STK32A: variants seen among roughly 807,000 people sequenced by gnomAD.
STK32A encodes serine/threonine-protein kinase 32A.
Under a neutral mutation model 53.2 loss-of-function variants are expected in STK32A, and 41 were observed. The observed-to-expected ratio is 0.77, with a 90% CI of 0.60 to 1.00. The LOEUF (loss-of-function observed/expected upper bound fraction) is 1.00, where lower values mean the gene tolerates loss of function less well. Among genes scored for constraint, STK32A ranks in the 50% least tolerant of loss-of-function variants. The pLI is 0.00. For missense variants in STK32A, 458 were observed against 485.8 expected, an observed-to-expected ratio of 0.94 and a Z score of 0.54; for synonymous variants, 166 against 162.8, an observed-to-expected ratio of 1.02 and a Z score of -0.15.
chr5:147,388,630 G>C (rs938770104), downstream of STK32A, among the ~76,000 whole-genome samples: 1 of 152,100 alleles, frequency 6.6e-6, no homozygotes, highest in Non-Finnish European at 1.5e-5. Flanking sequence ...TCCTGCTCAT[G>C]GTCGGGGTCT....
At chr5:147,336,066 A>C (rs1353652178) in intron 5 of STK32A, among the ~76,000 whole-genome samples, 2 of 152,170 alleles carry the variant, frequency 1.3e-5, no homozygotes, top group Non-Finnish European at 2.9e-5. Flanking sequence ...GTTGGATAGG[A>C]CCATTTGTGT....
At chr5:147,310,063 C>T (rs1177961083) in intron 4 of STK32A, among the ~76,000 whole-genome samples, 3 of 152,126 alleles carry the variant, frequency 2.0e-5, no homozygotes, top group Non-Finnish European at 4.4e-5. Flanking sequence ...ACCACTGATA[C>T]TTTAATATTC....
intron 4 of STK32A, among the ~76,000 whole-genome samples, chr5:147,280,651 G>A (rs1194946374): frequency 2.0e-5 from 3 of 151,142 alleles, no homozygotes; most frequent in Admixed American, 6.6e-5. Flanking sequence ...ACCCAAAGGA[G>A]TCTGAGCTCA....
intron 6 of STK32A, chr5:147,348,742 C>T (rs781025198): frequency 7.8e-6 from 6 of 769,996 alleles, no homozygotes; most frequent in African/African-American, 1.7e-5. Flanking sequence ...TTCAGGAGAC[C>T]GAAGCCCAGG....
intron 2 of STK32A, among the ~76,000 whole-genome samples, chr5:147,241,667 G>A (rs1047326695): frequency 1.3e-5 from 2 of 152,072 alleles, no homozygotes; most frequent in Non-Finnish European, 2.9e-5. Flanking sequence ...TGGCTATTGT[G>A]ATTGCCTTGC....
At chr5:147,324,262 C>T (rs539217263) in intron 5 of STK32A, among the ~76,000 whole-genome samples, 191 bp downstream of exon 5, 3 of 152,126 alleles carry the variant, frequency 2.0e-5, no homozygotes, top group Non-Finnish European at 4.4e-5. Context: ...GCTTAATTTG[C>T]CAAAGGTCAC....
At chr5:147,348,420 C>T (rs1755792404) in intron 6 of STK32A, among the ~76,000 whole-genome samples, 1 of 152,156 alleles carries the variant, frequency 6.6e-6, no homozygotes. Flanking sequence ...GCGCCCAACC[C>T]ACAGAGTTTC....
In STK32A at chr5:147,239,699, G is replaced by A. The variant is rs1288920609; in HGVS notation, c.52+13G>A. 6.3e-7 allele frequency: 1 copy of A among 1,593,042 alleles called. No homozygotes were observed. ...GAAAATGAAGATGGTAAGAAATATG[G>A]GATAGTGGCATATAAAAAATAGAAT... On this transcript the variant is annotated intron_variant, in intron 2 of 12. Transcript: ENST00000397936.
chr5:147,342,219 C>T (rs1755452209), intron 5 of STK32A, among the ~76,000 whole-genome samples: 1 of 152,160 alleles, frequency 6.6e-6, no homozygotes, highest in African/African-American at 2.4e-5. Context: ...TAATCTTTGA[C>T]AGACCAAGTC....
intron 2 of STK32A, among the ~76,000 whole-genome samples, chr5:147,272,938 C>CT (rs1755105245): frequency 6.6e-6 from 1 of 152,156 alleles, no homozygotes; most frequent in Non-Finnish European, 1.5e-5. Context: ...GTGCTGTTCT[C>CT]AATAGACTCA....
chr5:147,238,090 A>G (rs1753403629), intron 1 of STK32A, among the ~76,000 whole-genome samples: 1 of 152,252 alleles, frequency 6.6e-6, no homozygotes, highest in Non-Finnish European at 1.5e-5. Context: ...ATATGTATCC[A>G]TGACCATATA....
intron 5 of STK32A, among the ~76,000 whole-genome samples, chr5:147,327,126 A>G (rs1754635940): frequency 6.6e-6 from 1 of 152,226 alleles, no homozygotes; most frequent in South Asian, 2.1e-4. Context: ...TAAAAAGTGT[A>G]CATGGTAAAA....
At chr5:147,311,803 G>A (rs1753711536) in intron 4 of STK32A, among the ~76,000 whole-genome samples, 2 of 152,098 alleles carry the variant, frequency 1.3e-5, no homozygotes, top group African/African-American at 4.8e-5. Flanking sequence ...TGCCCAGGCT[G>A]GCCTTGAACT....
chr5:147,273,589 A>G (rs1308588742), intron 2 of STK32A, among the ~76,000 whole-genome samples: 1 of 152,206 alleles, frequency 6.6e-6, no homozygotes, highest in African/African-American at 2.4e-5. Flanking sequence ...ATGAATATAA[A>G]CTTGCTAATG....
chr5:147,308,138 TTATATA>T (rs3995475), intron 4 of STK32A, among the ~76,000 whole-genome samples: 82,831 of 148,326 alleles, frequency 0.56, 23,158 homozygotes, highest in Non-Finnish European at 0.58. Context: ...TTCATACATT[TTATATA>T]TATATATATA....
At chr5:147,356,123 C>CAG (rs1581132633) in intron 7 of STK32A, among the ~76,000 whole-genome samples, 1 of 151,676 alleles carries the variant, frequency 6.6e-6, no homozygotes, top group East Asian at 1.9e-4. Flanking sequence ...AAATCAGGCC[C>CAG]AGAGAGAGAG....
chr5:147,245,842 C>T (rs1410236966), intron 2 of STK32A, among the ~76,000 whole-genome samples: 2 of 152,124 alleles, frequency 1.3e-5, no homozygotes, highest in East Asian at 3.9e-4. Flanking sequence ...ACACCATCTC[C>T]TAGGATATGT....
rs944313290 is a variant in STK32A at position 147,384,499 on chromosome 5, T to G, written c.*516T>G. 5.2e-6 allele frequency: 7 copies of G among 1,352,462 alleles called. No individual in the cohort carries two copies. Among genetic ancestry groups the G allele is most frequent in the African/African-American group, 4.4e-5 (3 of 68,952 alleles). The allele number at this position is 1,352,462 out of a possible 1,614,324, so 83.8% of individuals were successfully genotyped here. On this transcript the variant is annotated 3_prime_UTR_variant, in exon 13 of 13. Coordinates refer to ENST00000397936, the MANE Select transcript of STK32A (RefSeq NM_001112724.2). Reference sequence around the variant, plus strand: ...AGGAATTCTATCAGGGAGGCATGAATGGAATCAGATTAAAAGTAACAGAGA... The same window carrying G: ...AGGAATTCTATCAGGGAGGCATGAAGGGAATCAGATTAAAAGTAACAGAGA...
intron 2 of STK32A, among the ~76,000 whole-genome samples, chr5:147,258,521 TC>T (rs1754341112): frequency 6.6e-6 from 1 of 151,944 alleles, no homozygotes; most frequent in Non-Finnish European, 1.5e-5. Flanking sequence ...TTACATAAAT[TC>T]CCTTTTAAAA....
Sources: allele counts gnomAD v4.1 joint callset (sites outside exome capture counted in the v4.1 genomes callset), GRCh38; gene constraint gnomAD v4.1.1; transcripts MANE v1.5; gene names NCBI Gene and HGNC (gene_info 2026-07-23, HGNC 2026-07-21).